The following SNX29 variants were observed in gnomAD, a reference collection of about 807,000 sequenced individuals.
SNX29 encodes sorting nexin-29.
A neutral mutation model predicts 102.1 loss-of-function variants in SNX29; 78 were observed. That is an observed-to-expected ratio of 0.76 (90% CI 0.64 to 0.92). SNX29 has a LOEUF of 0.92. Ranked by LOEUF, SNX29 falls within the 40% of genes least tolerant of loss-of-function variation. The pLI, the probability that SNX29 is intolerant of heterozygous loss-of-function variation, is 0.00. For missense variants in SNX29, 1,280 were observed against 1,061.7 expected (o/e 1.21, Z -2.86); for synonymous variants, 580 against 414.5 (o/e 1.40, Z -4.85).
At chr16:12,540,425 T>G (rs2077278588) in intron 20 of SNX29, among the ~76,000 whole-genome samples, 1 of 152,250 alleles carries the variant, frequency 6.6e-6, no homozygotes, top group Admixed American at 6.5e-5. Flanking sequence ...AGATTTATTC[T>G]CCAGCTGCTG....
chr16:12,486,471 T>A (rs1597570387), intron 19 of SNX29, among the ~76,000 whole-genome samples: 1 of 152,244 alleles, frequency 6.6e-6, no homozygotes, highest in African/African-American at 2.4e-5. Flanking sequence ...ACTCTTACTG[T>A]TAGCCCACTT....
chr16:12,430,957 A>T (rs1008832168), intron 18 of SNX29, among the ~76,000 whole-genome samples: 9 of 151,376 alleles, frequency 5.9e-5, no homozygotes, highest in African/African-American at 2.2e-4. Context: ...GGTTCAAATG[A>T]TTCTCCTGCC....
chr16:12,386,687 A>AT (rs1311255152), intron 16 of SNX29, among the ~76,000 whole-genome samples: 4 of 152,298 alleles, frequency 2.6e-5, no homozygotes, highest in South Asian at 2.1e-4. Context: ...ACATGGATGC[A>AT]TTTTTTTAAT....
chr16:12,378,750 A>G (rs945287129), intron 16 of SNX29, among the ~76,000 whole-genome samples: 5 of 152,138 alleles, frequency 3.3e-5, no homozygotes, highest in Non-Finnish European at 7.4e-5. Flanking sequence ...CTGGGATATC[A>G]TGGAAACCTG....
At chr16:12,385,663 C>T (rs1402758679) in intron 16 of SNX29, among the ~76,000 whole-genome samples, 1 of 152,204 alleles carries the variant, frequency 6.6e-6, no homozygotes, top group Non-Finnish European at 1.5e-5. Context: ...CCCAAATAAA[C>T]ATGCAAACAA....
chr16:12,547,518 A>G (rs2077683334), intron 20 of SNX29, among the ~76,000 whole-genome samples: 1 of 151,210 alleles, frequency 6.6e-6, no homozygotes, highest in Non-Finnish European at 1.5e-5. Flanking sequence ...TGTGGGTGTG[A>G]GAGAAAGAGG....
At chr16:12,063,491 C>A (rs1342249129) in intron 9 of SNX29, among the ~76,000 whole-genome samples, 1 of 150,380 alleles carries the variant, frequency 6.6e-6, no homozygotes, top group African/African-American at 2.4e-5. Flanking sequence ...TCTCCTGCCT[C>A]AGCTTCCAGA....
intron 20 of SNX29, among the ~76,000 whole-genome samples, chr16:12,552,155 T>G (rs909784664): frequency 6.6e-6 from 1 of 152,146 alleles, no homozygotes. Context: ...CCAGTACAGC[T>G]TAATCTACTA....
At chr16:12,559,663 C>T (rs1331426513) in intron 20 of SNX29, among the ~76,000 whole-genome samples, 1 of 152,118 alleles carries the variant, frequency 6.6e-6, no homozygotes, top group African/African-American at 2.4e-5. Flanking sequence ...TTCTGCTTCT[C>T]TACCATGGGC....
intron 15 of SNX29, among the ~76,000 whole-genome samples, chr16:12,296,793 G>A (rs1002898135): frequency 9.2e-5 from 14 of 152,222 alleles, no homozygotes; most frequent in Non-Finnish European, 2.1e-4. Context: ...TTTAATGAAG[G>A]GTAAACGTGG....
intron 19 of SNX29, among the ~76,000 whole-genome samples, chr16:12,499,731 T>G (rs1271913742): frequency 6.6e-6 from 1 of 152,218 alleles, no homozygotes; most frequent in Non-Finnish European, 1.5e-5. Flanking sequence ...TGGAGTTCGG[T>G]GGCACAATCA....
chr16:12,479,697 GAATGTCCTAA>G (rs2087818667), intron 19 of SNX29, among the ~76,000 whole-genome samples: 2 of 152,210 alleles, frequency 1.3e-5, no homozygotes, highest in East Asian at 3.8e-4. Context: ...GAGTTATTCA[GAATGTCCTAA>G]AATGTCACAA....
At chr16:12,007,464 C>T (rs1158467148) in intron 3 of SNX29, among the ~76,000 whole-genome samples, 1 of 152,206 alleles carries the variant, frequency 6.6e-6, no homozygotes, top group South Asian at 2.1e-4. Context: ...GAGATCACAC[C>T]GTTGCAATGC....
chr16:12,548,550 A>G (rs2865231), intron 20 of SNX29, among the ~76,000 whole-genome samples: 49,014 of 151,958 alleles, frequency 0.32, 9,652 homozygotes, highest in East Asian at 0.74. Flanking sequence ...AATTCCCTCT[A>G]GGGATTTTCT....
intron 18 of SNX29, among the ~76,000 whole-genome samples, chr16:12,420,345 C>T (rs1597319484): frequency 6.6e-6 from 1 of 152,224 alleles, no homozygotes; most frequent in African/African-American, 2.4e-5. Context: ...TTAGACCCAT[C>T]CTGATTTCAG....
At chr16:12,132,301 T>C (rs1192059415) in intron 13 of SNX29, among the ~76,000 whole-genome samples, 1 of 152,202 alleles carries the variant, frequency 6.6e-6, no homozygotes, top group Admixed American at 6.5e-5. Flanking sequence ...GGTTTCACTA[T>C]GTTGGCCAGG....
chr16:12,523,907 A>G (rs1219406605), intron 19 of SNX29, among the ~76,000 whole-genome samples: 2 of 151,818 alleles, frequency 1.3e-5, no homozygotes, highest in African/African-American at 4.8e-5. Context: ...TGTGTGTGAG[A>G]TGGAGTTTCG....
chr16:12,432,078 TA>T (rs1194398116), intron 18 of SNX29, among the ~76,000 whole-genome samples: 2 of 152,124 alleles, frequency 1.3e-5, no homozygotes, highest in East Asian at 3.9e-4. Context: ...GGGAAGGAAA[TA>T]AGACCTGGTG....
Position 12,263,395 on chromosome 16 carries a change from T to G in SNX29, c.1679-14538T>G, listed in dbSNP as rs555688760. Reference sequence around the variant, plus strand: ...CGCCCGCCTTGGCCTACAAAAGTGCTGGAATTACAGGTGTGAGCCACCGTG... The same window carrying G: ...CGCCCGCCTTGGCCTACAAAAGTGCGGGAATTACAGGTGTGAGCCACCGTG... On this transcript the variant is annotated intron_variant, in intron 14 of 20. Transcript: ENST00000566228. Among the ~76,000 whole-genome samples, 9 of 152,324 alleles carry G rather than the reference T, an allele frequency of 5.9e-5. No individual in the cohort carries two copies. The East Asian group carries it at 1.7e-3, about 29-fold the overall frequency.
Sources: allele counts gnomAD v4.1 joint callset (sites outside exome capture counted in the v4.1 genomes callset), GRCh38; gene constraint gnomAD v4.1.1; transcripts MANE v1.5; gene names NCBI Gene and HGNC (gene_info 2026-07-23, HGNC 2026-07-21).